The following RTF2 variants were observed in gnomAD, a reference collection of about 807,000 sequenced individuals.
The protein encoded by RTF2 is replication termination factor 2.
RTF2 carries 18 observed loss-of-function variants against 38.0 expected under a neutral mutation model. That is an observed-to-expected ratio of 0.47 (90% CI 0.33 to 0.70). The LOEUF is 0.70. RTF2 is among the 30% of genes least tolerant of loss of function. RTF2 has a pLI of 0.02. For missense variants in RTF2, 311 were observed against 379.6 expected, an observed-to-expected ratio of 0.82 and a Z score of 1.50; for synonymous variants, 126 against 137.1, an observed-to-expected ratio of 0.92 and a Z score of 0.57.
Position 56,513,363 on chromosome 20 carries a change from A to G in RTF2, c.526A>G (p.Lys176Glu), listed in dbSNP as rs757688572. 6.2e-6 allele frequency: 10 copies of G among 1,609,292 alleles called. No individual in the cohort carries two copies. Among genetic ancestry groups the G allele is most frequent in the Non-Finnish European group, 8.5e-6 (10 of 1,178,162 alleles). Residue 176 changes from lysine to glutamate, a missense_variant, in exon 6 of 9, where the codon AAG becomes GAG. Physicochemically the swap from Lys to Glu is moderately conservative, Grantham distance 56. Transcript: ENST00000357348. The stretch of plus-strand genomic sequence containing the variant: ...TGATGTCATCATGCTCAATGGCACC[A>G]AGGAGGATGTGGACGTGCTGAAGAC... The part of the protein sequence containing the change: ...EDDVIMLNGT[K>E]EDVDVLKTRM...
intron 5 of RTF2, 118 bp downstream of exon 5, chr20:56,484,307 C>A: frequency 1.2e-6 from 1 of 837,342 alleles, no homozygotes; most frequent in Non-Finnish European, 2.0e-6. Context: ...TGCTTTTCTG[C>A]TTCCATGGCT....
rs1424778143 is a variant in RTF2, at chr20:56,468,669, T to G, written c.-29T>G. The stretch of plus-strand genomic sequence containing the variant: ...TCCCGGAAGTGACAGCTTTGGGGGT[T>G]TGCTGCTGGCTCTGACTCCCGTCCT... On this transcript the variant is annotated 5_prime_UTR_variant, in exon 1 of 9. Transcript: ENST00000357348. 6 of 1,555,400 alleles carry G rather than the reference T, an allele frequency of 3.9e-6. No individual in the cohort carries two copies. Among genetic ancestry groups the G allele is most frequent in the Non-Finnish European group, 5.2e-6 (6 of 1,148,660 alleles).
At chr20:56,514,943 A>G (rs1229331688) in intron 6 of RTF2, among the ~76,000 whole-genome samples, 1 of 151,642 alleles carries the variant, frequency 6.6e-6, no homozygotes, top group African/African-American at 2.4e-5. Flanking sequence ...GCTACTGGGG[A>G]GACTGAGGCA....
At chr20:56,499,417 G>A (rs771934028) in intron 5 of RTF2, among the ~76,000 whole-genome samples, 1 of 151,458 alleles carries the variant, frequency 6.6e-6, no homozygotes, top group Non-Finnish European at 1.5e-5. Flanking sequence ...TCCTGACCTC[G>A]TGATCCACCC....
chr20:56,518,233 C>A lies in RTF2; in HGVS notation c.889C>A (p.His297Asn). 1 of 1,613,918 alleles carries A rather than the reference C, an allele frequency of 6.2e-7. No individual in the cohort carries two copies. Among genetic ancestry groups the A allele is most frequent in the Non-Finnish European group, 8.5e-7 (1 of 1,179,920 alleles). The change falls in exon 9 of 9, where the codon CAC becomes AAC. Residue 297 changes from histidine to asparagine, a missense_variant. By Grantham distance (68) the His-to-Asn change is moderately conservative. Transcript: ENST00000357348. The stretch of plus-strand genomic sequence containing the variant: ...CAAGCGCTCCAAGGAGGAGTCTGCC[C>A]ACTGGGTCACCCACACGTCCTACTG... Reference protein sequence around the residue: ...SAKRSKEESAHWVTHTSYCF With the variant: ...SAKRSKEESANWVTHTSYCF
chr20:56,485,144 A>G (rs1003989777), intron 5 of RTF2, among the ~76,000 whole-genome samples: 1 of 152,118 alleles, frequency 6.6e-6, no homozygotes, highest in African/African-American at 2.4e-5. Context: ...TAGGAAGGAA[A>G]CACATGAGGC....
In RTF2 at chr20:56,474,728, A is replaced by G; in HGVS notation, c.215A>G (p.Glu72Gly). The stretch of plus-strand genomic sequence containing the variant: ...GAATTTCTCTTGGACAAATCTGCAG[A>G]AAAGGCTCTTGGGAAGGCAGCATCT... ...VIEFLLDKSA[E>G]KALGKAASHI... Residue 72 changes from glutamate to glycine, a missense_variant, in exon 3 of 9, where the codon GAA becomes GGA. Coordinates refer to ENST00000357348, the MANE Select transcript of RTF2 (RefSeq NM_016407.5). 6.2e-7 allele frequency: 1 copy of G among 1,611,884 alleles called. No homozygotes were observed. Among genetic ancestry groups the G allele is most frequent in the Non-Finnish European group, 8.5e-7 (1 of 1,179,138 alleles).
Position 56,468,655 on chromosome 20 carries a change from A to G in RTF2, c.-43A>G, listed in dbSNP as rs755323807. ...GATTTCGCCGGAAATCCCGGAAGTG[A>G]CAGCTTTGGGGGTTTGCTGCTGGCT... On this transcript the variant is annotated 5_prime_UTR_variant, in exon 1 of 9. Coordinates refer to ENST00000357348, the MANE Select transcript of RTF2 (RefSeq NM_016407.5). The G allele has an allele frequency of 3.9e-6, 6 of 1,533,788 alleles. No homozygotes were observed. Among genetic ancestry groups the G allele is most frequent in the Middle Eastern group, 1.7e-4 (1 of 5,932 alleles).
chr20:56,471,567 C>CA (rs971294527), intron 1 of RTF2: 66 of 112,972 alleles, frequency 5.8e-4, no homozygotes, highest in African/African-American at 2.3e-4. Context: ...GACTCCGTCT[C>CA]AAAAAAAAAC....
chr20:56,478,539 A>C (rs567847894), intron 4 of RTF2, among the ~76,000 whole-genome samples: 37 of 152,316 alleles, frequency 2.4e-4, no homozygotes, highest in African/African-American at 8.9e-4. Context: ...TTAAGTGTGC[A>C]ATAGCATTAT....
chr20:56,481,729 T>C (rs1982537406), intron 4 of RTF2, among the ~76,000 whole-genome samples: 3 of 152,210 alleles, frequency 2.0e-5, no homozygotes, highest in East Asian at 1.9e-4. Context: ...ACATTCACAG[T>C]GTTGTACGGT....
At chr20:56,492,559 T>TA (rs1398627157) in intron 5 of RTF2, among the ~76,000 whole-genome samples, 2 of 149,862 alleles carry the variant, frequency 1.3e-5, no homozygotes, top group African/African-American at 2.4e-5. Context: ...GTCTGTAATT[T>TA]AAAAAAAAAT....
intron 2 of RTF2, 140 bp from the exon 3 acceptor site, chr20:56,474,538 G>A (rs761946475): frequency 1.4e-4 from 73 of 540,654 alleles, no homozygotes; most frequent in Non-Finnish European, 2.2e-4. Flanking sequence ...TTGAAACAGG[G>A]TTAAATTTAC....
chr20:56,511,234 C>A (rs1011823037), intron 5 of RTF2, among the ~76,000 whole-genome samples: 1 of 152,190 alleles, frequency 6.6e-6, no homozygotes, highest in African/African-American at 2.4e-5. Context: ...GGAACCGGGC[C>A]ACACAGCAGG....
chr20:56,518,411 G>A lies in RTF2; in HGVS notation c.*146G>A. The A allele has an allele frequency of 1.3e-6, 1 of 786,438 alleles. No homozygotes were observed. The highest frequency in any genetic ancestry group is 2.0e-5 in the South Asian group (1 of 49,956). 48.7% of individuals were successfully genotyped at this position (786,438 alleles called of 1,614,324 possible). On this transcript the variant is annotated 3_prime_UTR_variant, in exon 9 of 9. Transcript: ENST00000357348. ...CCTGGCCAGCCTTCAAGCTGGTGTG[G>A]CCACTCTTGATGTGAGGCGTGTCGG...
At chr20:56,488,788 G>A (rs1337376559) in intron 5 of RTF2, among the ~76,000 whole-genome samples, 1 of 152,236 alleles carries the variant, frequency 6.6e-6, no homozygotes, top group Admixed American at 6.5e-5. Context: ...GATAAGGAGA[G>A]AGTGAGCCTA....
At chr20:56,483,750 C>T (rs772720871) in intron 4 of RTF2, among the ~76,000 whole-genome samples, 1 of 152,278 alleles carries the variant, frequency 6.6e-6, no homozygotes, top group East Asian at 1.9e-4. Context: ...GTACGAACTG[C>T]ATGTTAGTCC....
intron 1 of RTF2, chr20:56,472,282 C>A (rs553579363): frequency 9.4e-7 from 1 of 1,060,910 alleles, no homozygotes; most frequent in South Asian, 1.5e-5. Context: ...TTTCTTTTCT[C>A]TTCCTATTTT....
At chr20:56,479,705 G>T (rs972106293) in intron 4 of RTF2, among the ~76,000 whole-genome samples, 2 of 152,172 alleles carry the variant, frequency 1.3e-5, no homozygotes, top group African/African-American at 4.8e-5. Flanking sequence ...ATGGGCTGCA[G>T]AATGGTTGTT....
Sources: gnomAD v4.1 joint callset for allele counts (sites outside exome capture counted in the v4.1 genomes callset) on GRCh38, gnomAD v4.1.1 for gene constraint, MANE v1.5 for transcripts, NCBI Gene and HGNC (gene_info 2026-07-23, HGNC 2026-07-21) for gene names.